SAMD4A: variants seen among roughly 807,000 people sequenced by gnomAD.
SAMD4A encodes protein Smaug homolog 1.
SAMD4A carries 33 observed loss-of-function variants against 81.3 expected under a neutral mutation model. The ratio of observed to expected loss-of-function variants is 0.41; its 90% confidence interval spans 0.31 to 0.54. The LOEUF (loss-of-function observed/expected upper bound fraction) is 0.54. Among genes scored for constraint, SAMD4A ranks in the 20% least tolerant of loss-of-function variants. SAMD4A has a pLI of 0.37. For missense variants in SAMD4A, 854 were observed against 951.1 expected, an observed-to-expected ratio of 0.90 and a Z score of 1.34; for synonymous variants, 389 against 382.1, an observed-to-expected ratio of 1.02 and a Z score of -0.21.
intron 2 of SAMD4A, among the ~76,000 whole-genome samples, chr14:54,673,954 A>G (rs1396547952): frequency 6.6e-6 from 1 of 152,202 alleles, no homozygotes; most frequent in African/African-American, 2.4e-5. Context: ...TGATGCCTCT[A>G]TCTGAGCATG....
chr14:54,664,471 GAC>G (rs2035713089), intron 2 of SAMD4A, among the ~76,000 whole-genome samples: 1 of 152,180 alleles, frequency 6.6e-6, no homozygotes, highest in Admixed American at 6.5e-5. Context: ...GGAGCGCGCA[GAC>G]ACACATCGCC....
At chr14:54,631,072 A>G (rs1300413344) in intron 2 of SAMD4A, among the ~76,000 whole-genome samples, 1 of 151,904 alleles carries the variant, frequency 6.6e-6, no homozygotes, top group Non-Finnish European at 1.5e-5. Flanking sequence ...GATGGGCTCA[A>G]AACATGGGAA....
intron 12 of SAMD4A, among the ~76,000 whole-genome samples, chr14:54,785,570 T>A (rs968021895): frequency 3.3e-5 from 5 of 152,090 alleles, no homozygotes; most frequent in Non-Finnish European, 5.9e-5. Flanking sequence ...GATAGCCCTA[T>A]CCAGTCTAGA....
intron 2 of SAMD4A, among the ~76,000 whole-genome samples, chr14:54,640,732 C>A (rs1210049031): frequency 2.6e-5 from 4 of 152,134 alleles, no homozygotes; most frequent in Non-Finnish European, 1.5e-5. Flanking sequence ...GTCACAGCAG[C>A]AGGTCCTGCC....
At chr14:54,690,383 A>C (rs1038327678) in intron 2 of SAMD4A, among the ~76,000 whole-genome samples, 4 of 152,192 alleles carry the variant, frequency 2.6e-5, no homozygotes, top group Non-Finnish European at 5.9e-5. Context: ...AGATTCAAAC[A>C]GCCAGAGGTT....
Position 54,702,333 on chromosome 14 carries a change from C to T in SAMD4A, c.468C>T (p.Thr156=). The change falls in exon 3 of 13, where the codon ACC becomes ACT. Residue 156 remains threonine (T), a synonymous_variant. Transcript: ENST00000554335. ...ATCACTTGGAGGACCGCACGTCGAC[C>T]AGCTTTGGTGGCCAGAACCGAGGCC... ...WLNHLEDRTS[T]SFGGQNRGRS... 6.3e-7 allele frequency: 1 copy of T among 1,596,034 alleles called. No individual in the cohort carries two copies. Among genetic ancestry groups the T allele is most frequent in the Non-Finnish European group, 8.6e-7 (1 of 1,168,498 alleles).
chr14:54,778,617 T>G (rs1013422587), intron 11 of SAMD4A, among the ~76,000 whole-genome samples: 6 of 151,988 alleles, frequency 3.9e-5, no homozygotes, highest in Non-Finnish European at 8.8e-5. Context: ...ACGCTTTGAG[T>G]GTTTTTTTTA....
At chr14:54,570,888 G>A (rs548586877) in intron 2 of SAMD4A, among the ~76,000 whole-genome samples, 59 of 152,266 alleles carry the variant, frequency 3.9e-4, no homozygotes, top group African/African-American at 1.4e-3. Flanking sequence ...GGATTGCTGA[G>A]ATTTCCTGTA....
intron 11 of SAMD4A, among the ~76,000 whole-genome samples, chr14:54,782,876 T>TA (rs2039033859): frequency 6.6e-6 from 1 of 152,196 alleles, no homozygotes; most frequent in African/African-American, 2.4e-5. Flanking sequence ...TCACTTCTCT[T>TA]TCTTCTCTCT....
rs534019420 is a variant in SAMD4A, at chr14:54,574,980, A to C, written c.196+6868A>C. Among the ~76,000 whole-genome samples, 350 of 152,302 alleles carry C rather than the reference A, an allele frequency of 2.3e-3. 5 individuals carry two copies. Among genetic ancestry groups the C allele is most frequent in the East Asian group, 9.3e-3 (48 of 5,182 alleles). ...ATACTTTGAGGGTAGACTGTTAGAA[A>C]TGAAAGGTGCAGAAATGAAAGAGAC... On this transcript the variant is annotated intron_variant, in intron 2 of 12. Transcript: ENST00000554335.
chr14:54,676,919 G>C (rs774253120), intron 2 of SAMD4A, among the ~76,000 whole-genome samples: 17 of 152,212 alleles, frequency 1.1e-4, no homozygotes, highest in Non-Finnish European at 5.9e-5. Context: ...TCGCAGTCTA[G>C]AGCCTTGCAT....
At chr14:54,663,364 A>G (rs376585609) in intron 2 of SAMD4A, among the ~76,000 whole-genome samples, 6 of 152,196 alleles carry the variant, frequency 3.9e-5, no homozygotes, top group African/African-American at 1.4e-4. Flanking sequence ...ACCGCGGTCT[A>G]AAGTACTGAA....
At chr14:54,576,079 G>GA (rs965795124) in intron 2 of SAMD4A, among the ~76,000 whole-genome samples, 16 of 133,876 alleles carry the variant, frequency 1.2e-4, no homozygotes, top group African/African-American at 4.7e-4. Context: ...GAAAGAGCAG[G>GA]AATGTTCATT....
chr14:54,629,434 A>G (rs1196740721), intron 2 of SAMD4A, among the ~76,000 whole-genome samples: 3 of 152,224 alleles, frequency 2.0e-5, no homozygotes, highest in Non-Finnish European at 4.4e-5. Flanking sequence ...TACCAGATTC[A>G]ATCAGTAAGC....
chr14:54,640,296 G>A (rs528381144), intron 2 of SAMD4A, among the ~76,000 whole-genome samples: 244 of 152,182 alleles, frequency 1.6e-3, no homozygotes, highest in African/African-American at 5.6e-3. Context: ...TTGTAAATCC[G>A]TTTCATAACT....
chr14:54,700,927 T>G (rs1044550939), intron 2 of SAMD4A: 9 of 152,054 alleles, frequency 5.9e-5, no homozygotes, highest in African/African-American at 2.2e-4. Flanking sequence ...GAGTTTCAGT[T>G]TGAGAAGATG....
chr14:54,779,827 C>CT (rs1305459471), intron 11 of SAMD4A, among the ~76,000 whole-genome samples: 1 of 152,246 alleles, frequency 6.6e-6, no homozygotes, highest in East Asian at 1.9e-4. Flanking sequence ...CTTCAGGTGG[C>CT]TATTGCCAGT....
chr14:54,694,884 A>G, intron 2 of SAMD4A: 2 of 985,568 alleles, frequency 2.0e-6, no homozygotes, highest in South Asian at 4.7e-5. Context: ...CTACAGATGG[A>G]AAGTCTCCAT....
At chr14:54,660,534 T>C (rs768509527) in intron 2 of SAMD4A, among the ~76,000 whole-genome samples, 2 of 152,210 alleles carry the variant, frequency 1.3e-5, no homozygotes, top group East Asian at 3.9e-4. Flanking sequence ...AAGAGGAGGA[T>C]GACAGGTCAG....
Sources: allele counts gnomAD v4.1 joint callset (sites outside exome capture counted in the v4.1 genomes callset), GRCh38; gene constraint gnomAD v4.1.1; transcripts MANE v1.5; gene names NCBI Gene and HGNC (gene_info 2026-07-23, HGNC 2026-07-21).